The following AHI1 variants were observed in gnomAD, a reference collection of about 807,000 sequenced individuals.
AHI1 encodes Abelson helper integration site 1.
A neutral mutation model predicts 149.3 loss-of-function variants in AHI1; 123 were observed. The observed-to-expected ratio is 0.82, with a 90% CI of 0.71 to 0.96. The LOEUF is 0.96. AHI1 is among the 40% of genes least tolerant of loss of function. The pLI, the probability that AHI1 is intolerant of heterozygous loss-of-function variation, is 0.00. For missense variants in AHI1, 1,439 were observed against 1,422.7 expected (o/e 1.01, Z -0.18); for synonymous variants, 475 against 459.8 (o/e 1.03, Z -0.42).
chr6:135,440,147 G>T (rs994835797), intron 14 of AHI1, among the ~76,000 whole-genome samples: 10 of 152,100 alleles, frequency 6.6e-5, no homozygotes, highest in Non-Finnish European at 1.3e-4. Context: ...GGCAGAACAG[G>T]TCTGATGCTC....
intron 14 of AHI1, among the ~76,000 whole-genome samples, chr6:135,441,395 G>A (rs1043892398): frequency 6.6e-6 from 1 of 150,432 alleles, no homozygotes; most frequent in African/African-American, 2.4e-5. Flanking sequence ...AAAGAGAAAA[G>A]GGCCAAACAG....
At chr6:135,309,422 GA>G (rs1339158102) in intron 26 of AHI1, among the ~76,000 whole-genome samples, 1 of 150,664 alleles carries the variant, frequency 6.6e-6, no homozygotes, top group African/African-American at 2.4e-5. Context: ...TTAGGGGAAA[GA>G]AAAAACATAT....
chr6:135,310,769 T>C (rs933783676), intron 26 of AHI1, among the ~76,000 whole-genome samples: 1 of 152,200 alleles, frequency 6.6e-6, no homozygotes, highest in Non-Finnish European at 1.5e-5. Context: ...ATCTAACATT[T>C]CTGTGCATAC....
chr6:135,442,817 C>A, intron 13 of AHI1, 103 bp from the exon 14 acceptor site: 2 of 1,092,904 alleles, frequency 1.8e-6, no homozygotes, highest in Non-Finnish European at 1.3e-6. Flanking sequence ...TTTTATGATG[C>A]AGAGAAAGAG....
intron 17 of AHI1, among the ~76,000 whole-genome samples, chr6:135,430,449 TG>T (rs1784491338): frequency 6.6e-6 from 1 of 151,958 alleles, no homozygotes; most frequent in Non-Finnish European, 1.5e-5. Context: ...TCAACAGATC[TG>T]ATAGACTCAA....
In AHI1 at chr6:135,327,472, G is replaced by A. The variant is rs111302987; in HGVS notation, c.3166-4148C>T. ...TACCATTGTTGACATTCAAGTACAC[G>A]CAGACCTCATTTTATTGTATTTCAC... On this transcript the variant is annotated intron_variant, in intron 24 of 28. Coordinates refer to ENST00000265602, the MANE Select transcript of AHI1 (RefSeq NM_001134831.2). Among the ~76,000 whole-genome samples the A allele has an allele frequency of 8.0e-3, 1,219 of 152,264 alleles. 21 individuals are homozygous for A. Among genetic ancestry groups the A allele is most frequent in the African/African-American group, 0.027 (1,129 of 41,554 alleles).
intron 3 of AHI1, among the ~76,000 whole-genome samples, chr6:135,494,419 C>T (rs567521533): frequency 6.6e-6 from 1 of 152,336 alleles, no homozygotes; most frequent in East Asian, 1.9e-4. Context: ...CTACAAGCAT[C>T]AGCTCCATTT....
intron 23 of AHI1, among the ~76,000 whole-genome samples, chr6:135,389,480 C>T (rs1458835218): frequency 6.6e-6 from 1 of 152,032 alleles, no homozygotes; most frequent in Non-Finnish European, 1.5e-5. Flanking sequence ...GCAAAACATT[C>T]GATTAAATGG....
At chr6:135,290,374 C>A in intron 28 of AHI1, 49 bp downstream of exon 28, 1 of 1,106,686 alleles carries the variant, frequency 9.0e-7, no homozygotes, top group South Asian at 1.3e-5. Context: ...TTTCCTAAAT[C>A]TTTTCCTGTT....
intron 24 of AHI1, among the ~76,000 whole-genome samples, chr6:135,352,481 G>A (rs1334251319): frequency 3.9e-5 from 6 of 151,928 alleles, no homozygotes; most frequent in African/African-American, 9.7e-5. Flanking sequence ...AGCACTTGCC[G>A]ACTCTAAACA....
intron 23 of AHI1, among the ~76,000 whole-genome samples, chr6:135,377,434 C>G (rs1340249313): frequency 1.3e-5 from 2 of 151,930 alleles, no homozygotes; most frequent in African/African-American, 4.8e-5. Context: ...GTAAAATATT[C>G]CACATAAGCA....
At chr6:135,425,495 G>A (rs1215962992) in intron 20 of AHI1, among the ~76,000 whole-genome samples, 1 of 151,748 alleles carries the variant, frequency 6.6e-6, no homozygotes, top group Non-Finnish European at 1.5e-5. Flanking sequence ...GGTTGGATGG[G>A]CATAACAACC....
At chr6:135,400,066 T>C (rs78501227) in intron 22 of AHI1, among the ~76,000 whole-genome samples, 366 of 152,248 alleles carry the variant, frequency 2.4e-3, no homozygotes, top group African/African-American at 8.4e-3. Flanking sequence ...TGCCCTCAAG[T>C]AGACCTCAGT....
intron 24 of AHI1, among the ~76,000 whole-genome samples, chr6:135,333,866 C>T (rs997359659): frequency 6.6e-6 from 1 of 152,092 alleles, no homozygotes; most frequent in African/African-American, 2.4e-5. Flanking sequence ...AAACTAAGTA[C>T]TCAATTATAT....
chr6:135,419,174 T>C (rs1365616292), intron 20 of AHI1, among the ~76,000 whole-genome samples: 1 of 152,122 alleles, frequency 6.6e-6, no homozygotes, highest in African/African-American at 2.4e-5. Context: ...GAGTGATGTG[T>C]AGCAGATTCA....
chr6:135,298,028 TA>T (rs1020812337), intron 27 of AHI1, among the ~76,000 whole-genome samples: 3 of 151,676 alleles, frequency 2.0e-5, no homozygotes, highest in East Asian at 3.9e-4. Context: ...GTTGCTATGT[TA>T]AAAAAAACCC....
chr6:135,437,176 T>C (rs7773578), intron 15 of AHI1, among the ~76,000 whole-genome samples: 2,273 of 152,282 alleles, frequency 0.015, 54 homozygotes, highest in African/African-American at 0.051. Context: ...TCTAATGAAG[T>C]GGGAAGACTG....
chr6:135,409,611 C>CTA (rs1460885963), intron 21 of AHI1, among the ~76,000 whole-genome samples: 1 of 152,146 alleles, frequency 6.6e-6, no homozygotes, highest in Admixed American at 6.5e-5. Flanking sequence ...AATTATACTA[C>CTA]TAGTATTATT....
intron 26 of AHI1, among the ~76,000 whole-genome samples, chr6:135,317,470 G>A (rs926575253): frequency 6.7e-6 from 1 of 148,960 alleles, no homozygotes; most frequent in African/African-American, 2.5e-5. Context: ...CATCCTAGAT[G>A]CCTCAGGTCA....
Sources: gnomAD v4.1 joint callset for allele counts (sites outside exome capture counted in the v4.1 genomes callset) on GRCh38, gnomAD v4.1.1 for gene constraint, MANE v1.5 for transcripts, NCBI Gene and HGNC (gene_info 2026-07-23, HGNC 2026-07-21) for gene names.